Variants in CHAC1 observed in about 807,000 individuals in gnomAD.
The protein encoded by CHAC1 is glutathione-specific gamma-glutamylcyclotransferase 1.
A neutral mutation model predicts 22.1 loss-of-function variants in CHAC1; 22 were observed. The observed-to-expected ratio is 1.00, with a 90% CI of 0.71 to 1.42. The LOEUF is 1.42. CHAC1 is among the 40% of genes most tolerant of loss of function. CHAC1 has a pLI of 0.00. For missense variants in CHAC1, 272 were observed against 299.2 expected, an observed-to-expected ratio of 0.91 and a Z score of 0.67; for synonymous variants, 145 against 128.7, an observed-to-expected ratio of 1.13 and a Z score of -0.86.
chr15:40,953,813 T>A lies in CHAC1; in HGVS notation c.230T>A (p.Met77Lys). 6.3e-7 allele frequency: 1 copy of A among 1,587,650 alleles called. No homozygotes were observed. Among genetic ancestry groups the A allele is most frequent in the Non-Finnish European group, 8.5e-7 (1 of 1,172,764 alleles). Residue 77 changes from methionine (M) to lysine (K), a missense_variant and splice_region_variant, in exon 1 of 3, where the codon ATG (methionine) becomes AAG (lysine). Met to Lys is a moderately conservative substitution (Grantham distance 95, BLOSUM62 -1). Transcript: ENST00000617768. ...GDTFHRGSDK[M>K]PGRVVTLLED... is the part of the protein sequence containing the mutation. ...ACCTTCCATCGGGGCAGCGACAAGA[T>A]GGTGAGCATCCAACCGTGCCCAGGG...
intron 2 of CHAC1, 55 bp from the exon 3 acceptor site, chr15:40,955,318 A>T: frequency 6.3e-7 from 1 of 1,586,794 alleles, no homozygotes. Context: ...AGGATAGGAG[A>T]GGGAGCAGCA....
chr15:40,955,193 T>C (rs1304027297), intron 2 of CHAC1, among the ~76,000 whole-genome samples, 180 bp from the exon 3 acceptor site: 2 of 152,162 alleles, frequency 1.3e-5, no homozygotes, highest in Non-Finnish European at 2.9e-5. Context: ...ACGCCTGGCC[T>C]TTCAACTGTT....
rs1196629953 is a variant in CHAC1, at chr15:40,955,530, C to T, written c.425C>T (p.Ala142Val). ...CCTGACCAACCACTGAAGGCATTGG[C>T]CTATGTGGCCACCCCACAGAACCCT... ...DAPDQPLKAL[A>V]YVATPQNPGY... is the part of the protein sequence containing the mutation. Residue 142 changes from alanine to valine, a missense_variant, in exon 3 of 3, where the codon GCC becomes GTC. Transcript: ENST00000617768. 1.9e-6 allele frequency: 3 copies of T among 1,614,064 alleles called. No individual in the cohort carries two copies. The highest frequency in any genetic ancestry group is 1.7e-5 in the Admixed American group (1 of 60,014).
At chr15:40,953,882 G>A (rs1021243332) in intron 1 of CHAC1, 68 bp downstream of exon 1, 32 of 1,228,916 alleles carry the variant, frequency 2.6e-5, no homozygotes, top group Non-Finnish European at 3.3e-5. Context: ...CAGTGCCCTG[G>A]AATGTCCGGG....
chr15:40,955,228 T>G (rs1893211454), intron 2 of CHAC1, 145 bp from the exon 3 acceptor site: 1 of 763,226 alleles, frequency 1.3e-6, no homozygotes, highest in African/African-American at 1.7e-5. Flanking sequence ...TACAAGGGCT[T>G]GAGGTACTGC....
chr15:40,954,179 A>G (rs761427786), intron 1 of CHAC1, 49 bp from the exon 2 acceptor site: 4 of 1,600,316 alleles, frequency 2.5e-6, no homozygotes, highest in East Asian at 2.2e-5. Context: ...TGCTGATGGC[A>G]GAGCTGATTT....
In CHAC1 at chr15:40,955,848, T is replaced by G; in HGVS notation, c.*74T>G. 1.4e-6 allele frequency: 2 copies of G among 1,430,528 alleles called. No individual in the cohort carries two copies. The highest frequency in any genetic ancestry group is 1.8e-6 in the Non-Finnish European group (2 of 1,082,144). The allele number at this position is 1,430,528 out of a possible 1,614,324, so 88.6% of individuals were successfully genotyped here. A position where few individuals can be genotyped will look rare whatever the true frequency, so the allele number is the denominator to read the frequency against. ...ACCCACTCCAGTGCACAAGACAGAC[T>G]TGCGACCGCTTGAGCCCACTGAGCA... On this transcript the variant is annotated 3_prime_UTR_variant, in exon 3 of 3. Coordinates refer to ENST00000617768, the MANE Select transcript of CHAC1 (RefSeq NM_024111.6).
chr15:40,955,727 A>T lies in CHAC1; in HGVS notation c.622A>T (p.Met208Leu), dbSNP rs189854115. The T allele has an allele frequency of 6.2e-6, 10 of 1,603,652 alleles. No homozygotes were observed. The Admixed American group carries it at 1.5e-4, about 24-fold the overall frequency. Residue 208 changes from methionine (M) to leucine (L), a missense_variant, in exon 3 of 3, where the codon ATG becomes TTG. Transcript: ENST00000617768. ...AGCCATCGTGGACGCTGTGGGCACC[A>T]TGTTGCCCTGCTTCTGCCCCACCGA... The part of the protein sequence containing the change: ...LAAIVDAVGT[M>L]LPCFCPTEQA...
chr15:40,955,413 A>C lies in CHAC1; in HGVS notation c.308A>C (p.Gln103Pro). ...WGVAYQVQGE[Q>P]VSKALKYLNV... ...GTGGCATACCAAGTGCAAGGGGAGC[A>C]GGTAAGCAAGGCCCTGAAGTACCTG... The change falls in exon 3 of 3, where the codon CAG becomes CCG. Residue 103 changes from glutamine to proline, a missense_variant. Gln to Pro is a moderately conservative substitution (Grantham distance 76). Coordinates refer to ENST00000617768, the MANE Select transcript of CHAC1 (RefSeq NM_024111.6). 1 of 1,614,082 alleles carries C rather than the reference A, an allele frequency of 6.2e-7. No homozygotes were observed. Among genetic ancestry groups the C allele is most frequent in the Non-Finnish European group, 8.5e-7 (1 of 1,179,990 alleles).
Position 40,955,604 on chromosome 15 carries a change from G to T in CHAC1, c.499G>T (p.Ala167Ser). The T allele has an allele frequency of 6.2e-7, 1 of 1,613,984 alleles. No individual in the cohort carries two copies. Among genetic ancestry groups the T allele is most frequent in the Non-Finnish European group, 8.5e-7 (1 of 1,180,040 alleles). ...AGAGGCCATTGCCACGCAGATCCTG[G>T]CCTGCCGGGGCTTCTCCGGCCACAA... ...PEEAIATQIL[A>S]CRGFSGHNLE... The change falls in exon 3 of 3, where the codon GCC becomes TCC. Residue 167 changes from alanine to serine, a missense_variant. Physicochemically the swap from Ala to Ser is moderately conservative, Grantham distance 99 (BLOSUM62 1). Coordinates refer to ENST00000617768, the MANE Select transcript of CHAC1 (RefSeq NM_024111.6).
chr15:40,954,229 C>T lies in CHAC1; in HGVS notation c.233C>T (p.Pro78Leu), dbSNP rs567946698. 6.2e-7 allele frequency: 1 copy of T among 1,614,100 alleles called. No individual in the cohort carries two copies. The highest frequency in any genetic ancestry group is 2.2e-5 in the East Asian group (1 of 44,890). The part of the protein sequence containing the change: ...DTFHRGSDKM[P>L]GRVVTLLEDH... ...TCAAAATATTTCTTCCCTCCCTAGC[C>T]TGGCCGTGTGGTGACGCTCCTTGAA... The change falls in exon 2 of 3, where the codon CCT (proline) becomes CTT (leucine). Residue 78 changes from proline to leucine, a missense_variant and splice_region_variant. Pro to Leu is a moderately conservative substitution (Grantham distance 98). Coordinates refer to ENST00000617768, the MANE Select transcript of CHAC1 (RefSeq NM_024111.6).
Position 40,955,851 on chromosome 15 carries a change from C to G in CHAC1, c.*77C>G. 4 of 1,426,906 alleles carry G rather than the reference C, an allele frequency of 2.8e-6. No individual in the cohort carries two copies. The highest frequency in any genetic ancestry group is 2.8e-5 in the South Asian group (2 of 71,630). 88.4% of individuals were successfully genotyped at this position (1,426,906 alleles called of 1,614,324 possible). On this transcript the variant is annotated 3_prime_UTR_variant, in exon 3 of 3. Transcript: ENST00000617768. ...CACTCCAGTGCACAAGACAGACTTG[C>G]GACCGCTTGAGCCCACTGAGCAGAT...
In CHAC1 at chr15:40,953,745, G is replaced by C; in HGVS notation, c.162G>C (p.Val54=). ...ACTTCGCCTACAGCGACAGCCGTGT[G>C]GGCTTCGTGCGCGGCTACAGCCGCC... is the stretch of plus-strand genomic sequence containing the variant. ...RPDFAYSDSR[V]GFVRGYSRRF... The change falls in exon 1 of 3, where the codon GTG becomes GTC. Residue 54 remains valine (V), a synonymous_variant. Coordinates refer to ENST00000617768, the MANE Select transcript of CHAC1 (RefSeq NM_024111.6). 6.2e-7 allele frequency: 1 copy of C among 1,602,204 alleles called. No homozygotes were observed. Among genetic ancestry groups the C allele is most frequent in the East Asian group, 2.2e-5 (1 of 44,870 alleles).
chr15:40,953,838 G>A (rs770032967), intron 1 of CHAC1, 24 bp downstream of exon 1: 13 of 1,546,894 alleles, frequency 8.4e-6, no homozygotes, highest in Middle Eastern at 1.7e-4. Context: ...CGTGCCCAGG[G>A]GAGTGAGGGG....
At chr15:40,954,102 A>C in intron 1 of CHAC1, 126 bp from the exon 2 acceptor site, 1 of 956,616 alleles carries the variant, frequency 1.0e-6, no homozygotes, top group African/African-American at 1.6e-5. Flanking sequence ...CCCCTGCATG[A>C]ATGGGACTCA....
In CHAC1 at chr15:40,954,271, C is replaced by T. The variant is rs1024517800; in HGVS notation, c.267+8C>T. 14 of 1,613,842 alleles carry T rather than the reference C, an allele frequency of 8.7e-6. No homozygotes were observed. Among genetic ancestry groups the T allele is most frequent in the Non-Finnish European group, 1.2e-5 (14 of 1,179,960 alleles). On this transcript the variant is annotated splice_region_variant and intron_variant, in intron 2 of 2. Coordinates refer to ENST00000617768, the MANE Select transcript of CHAC1 (RefSeq NM_024111.6). ...CTCCTTGAAGATCATGAGGTAAGTG[C>T]CCGAATCATGAAGGGGAACCCTGGC...
rs1406999609 is a variant in CHAC1 at position 40,953,603 on chromosome 15, C to A, written c.20C>A (p.Ala7Asp). The A allele has an allele frequency of 2.5e-6, 4 of 1,609,884 alleles. No homozygotes were observed. The highest frequency in any genetic ancestry group is 3.4e-6 in the Non-Finnish European group (4 of 1,179,862). Residue 7 changes from alanine (A) to aspartate (D), a missense_variant, in exon 1 of 3, where the codon GCC (alanine) becomes GAC (aspartate). By Grantham distance (126) the Ala-to-Asp change is moderately radical. Coordinates refer to ENST00000617768, the MANE Select transcript of CHAC1 (RefSeq NM_024111.6). ...GGCACCATGAAGCAGGAGTCTGCAG[C>A]CCCGAACACCCCGCCCACCTCGCAG... MKQESAAPNTPPTSQSP... is the reference protein window; with the variant it reads MKQESADPNTPPTSQSP...
intron 1 of CHAC1, 27 bp from the exon 2 acceptor site, chr15:40,954,201 A>G (rs902795569): frequency 5.0e-6 from 8 of 1,613,312 alleles, no homozygotes; most frequent in Non-Finnish European, 6.8e-6. Flanking sequence ...TAACTTGTCT[A>G]TTTCAAAATA....
At chr15:40,955,339 A>G (rs368906260) in intron 2 of CHAC1, 34 bp from the exon 3 acceptor site, 22 of 1,609,038 alleles carry the variant, frequency 1.4e-5, no homozygotes, top group Non-Finnish European at 1.9e-5. Flanking sequence ...AGGAGCTGTC[A>G]TGACTGACCC....
Sources: allele counts gnomAD v4.1 joint callset (sites outside exome capture counted in the v4.1 genomes callset), GRCh38; gene constraint gnomAD v4.1.1; transcripts MANE v1.5; gene names NCBI Gene and HGNC (gene_info 2026-07-23, HGNC 2026-07-21).